The following KCNH8 variants were observed in gnomAD, a reference collection of about 807,000 sequenced individuals.
The protein encoded by KCNH8 is potassium voltage-gated channel subfamily H member 8.
Under a neutral mutation model 103.6 loss-of-function variants are expected in KCNH8, and 70 were observed. That is an observed-to-expected ratio of 0.68 (90% CI 0.56 to 0.82). KCNH8 has a LOEUF of 0.82. Ranked by LOEUF, KCNH8 falls within the 40% of genes least tolerant of loss-of-function variation. KCNH8 has a pLI of 0.00. For missense variants in KCNH8, 1,217 were observed against 1,329.9 expected (o/e 0.92, Z 1.32); for synonymous variants, 498 against 489.4 (o/e 1.02, Z -0.23).
intron 7 of KCNH8, among the ~76,000 whole-genome samples, chr3:19,402,530 T>G (rs1326540920): frequency 6.6e-6 from 1 of 151,904 alleles, no homozygotes; most frequent in Non-Finnish European, 1.5e-5. Flanking sequence ...GTGTTATTTT[T>G]GGGTCATAGT....
intron 2 of KCNH8, among the ~76,000 whole-genome samples, chr3:19,259,139 C>T (rs888927442): frequency 6.6e-6 from 1 of 151,034 alleles, no homozygotes; most frequent in African/African-American, 2.4e-5. Flanking sequence ...ATTCTCACGT[C>T]GCCATCAAGG....
chr3:19,447,837 G>A (rs1264377481), intron 8 of KCNH8, among the ~76,000 whole-genome samples: 5 of 151,928 alleles, frequency 3.3e-5, no homozygotes, highest in Non-Finnish European at 5.9e-5. Flanking sequence ...GTTGTTACAC[G>A]ATATATATTT....
chr3:19,456,385 G>A (rs954032922), intron 10 of KCNH8, among the ~76,000 whole-genome samples: 1 of 151,554 alleles, frequency 6.6e-6, no homozygotes, highest in East Asian at 1.9e-4. Flanking sequence ...ACAAATGCTG[G>A]GCACAATAAA....
chr3:19,496,457 GTTT>G (rs372678594), intron 11 of KCNH8, among the ~76,000 whole-genome samples: 2,154 of 152,172 alleles, frequency 0.014, 50 homozygotes, highest in African/African-American at 0.047. Context: ...ATAATCATGG[GTTT>G]TTTATTTCAG....
At position 19,395,149 on chromosome 3, in the gene KCNH8, T is replaced by C. The variant is rs373564560; in HGVS notation, c.1015T>C (p.Leu339=). The change falls in exon 7 of 16, where the codon TTG becomes CTG. Residue 339 remains leucine (L), a synonymous_variant. Coordinates refer to ENST00000328405, the MANE Select transcript of KCNH8 (RefSeq NM_144633.3). ...LLKTVRLLRL[L]RLLQKLDRYS... is the part of the protein sequence containing the mutation. ...AAAGACAGTGCGCCTCTTGCGTCTT[T>C]TGCGTCTGCTGCAGAAGTTAGACCG... 6.2e-7 allele frequency: 1 copy of C among 1,611,568 alleles called. No individual in the cohort carries two copies. The highest frequency in any genetic ancestry group is 8.5e-7 in the Non-Finnish European group (1 of 1,178,780).
intron 8 of KCNH8, among the ~76,000 whole-genome samples, chr3:19,441,659 A>ATCAAGTAAGCATTCTTCTTAGGC (rs1286358463): frequency 6.6e-6 from 1 of 152,178 alleles, no homozygotes; most frequent in Non-Finnish European, 1.5e-5. Context: ...GTCTACCTTG[A>ATCAAGTAAGCATTCTTCTTAGGC]TCAAGTAAGC....
intron 7 of KCNH8, among the ~76,000 whole-genome samples, chr3:19,421,302 T>C (rs1382649514): frequency 6.6e-6 from 1 of 152,108 alleles, no homozygotes; most frequent in African/African-American, 2.4e-5. Flanking sequence ...AAGTATAAGA[T>C]ATTTTGATCT....
intron 12 of KCNH8, 96 bp from the exon 13 acceptor site, chr3:19,512,874 G>A: frequency 9.3e-7 from 1 of 1,080,190 alleles, no homozygotes; most frequent in South Asian, 1.6e-5. Flanking sequence ...GTCTCTAAGA[G>A]ATTTGACTTT....
intron 5 of KCNH8, among the ~76,000 whole-genome samples, chr3:19,389,020 C>G (rs1263622986): frequency 6.6e-6 from 1 of 152,150 alleles, no homozygotes; most frequent in African/African-American, 2.4e-5. Flanking sequence ...TGGGCTCATA[C>G]GAAGAACCTG....
intron 1 of KCNH8, among the ~76,000 whole-genome samples, chr3:19,162,129 A>G (rs2063239717): frequency 6.6e-6 from 1 of 152,188 alleles, no homozygotes; most frequent in African/African-American, 2.4e-5. Flanking sequence ...GTTTGTAATT[A>G]AACAAAACAC....
intron 3 of KCNH8, among the ~76,000 whole-genome samples, chr3:19,322,428 C>T (rs2065362390): frequency 1.3e-5 from 2 of 152,126 alleles, no homozygotes; most frequent in African/African-American, 4.8e-5. Context: ...CTGGAAAAGA[C>T]TTTATCTTTC....
At chr3:19,232,960 A>G (rs2064013654) in intron 1 of KCNH8, among the ~76,000 whole-genome samples, 1 of 152,084 alleles carries the variant, frequency 6.6e-6, no homozygotes, top group African/African-American at 2.4e-5. Context: ...CTATGATTCA[A>G]CCTAAATAAG....
chr3:19,423,171 G>T (rs1034624498), intron 7 of KCNH8, among the ~76,000 whole-genome samples: 2 of 152,010 alleles, frequency 1.3e-5, no homozygotes, highest in African/African-American at 2.4e-5. Context: ...GGGTCAGACT[G>T]CATGACCCTA....
Position 19,463,360 on chromosome 3 carries a change from TAA to T in KCNH8, c.2040+6379_2040+6380del, listed in dbSNP as rs545368599. On this transcript the variant is annotated intron_variant, in intron 11 of 15. Transcript: ENST00000328405. The stretch of plus-strand genomic sequence containing the variant: ...TTCATACTAGTAGTATGCATAAAGT[TAA>T]TAGAGGACAAAATGGAAGAATATAT... 3.2e-3 allele frequency among the ~76,000 whole-genome samples: 489 copies of T among 152,154 alleles called. 5 individuals are homozygous for T. Among genetic ancestry groups the T allele is most frequent in the African/African-American group, 0.01 (436 of 41,536 alleles).
chr3:19,436,505 G>A (rs1353442213), intron 7 of KCNH8, among the ~76,000 whole-genome samples: 1 of 152,130 alleles, frequency 6.6e-6, no homozygotes, highest in African/African-American at 2.4e-5. Flanking sequence ...GCCAATCCTC[G>A]GATTTGTGGA....
chr3:19,296,926 G>A (rs1024095285), intron 3 of KCNH8, among the ~76,000 whole-genome samples: 2 of 151,676 alleles, frequency 1.3e-5, no homozygotes, highest in Non-Finnish European at 1.5e-5. Context: ...AAAGTAGTGA[G>A]TCTATTTTAA....
intron 5 of KCNH8, among the ~76,000 whole-genome samples, chr3:19,384,319 T>G (rs1488074362): frequency 6.6e-6 from 1 of 152,212 alleles, no homozygotes; most frequent in African/African-American, 2.4e-5. Flanking sequence ...TTGGATGCCT[T>G]GTTCATCTTT....
At chr3:19,380,430 C>T (rs1408267607) in intron 5 of KCNH8, among the ~76,000 whole-genome samples, 3 of 152,134 alleles carry the variant, frequency 2.0e-5, no homozygotes, top group African/African-American at 7.2e-5. Flanking sequence ...CTAACAGGCT[C>T]TTTAATTCCT....
At chr3:19,495,674 T>G (rs996194480) in intron 11 of KCNH8, among the ~76,000 whole-genome samples, 1 of 152,208 alleles carries the variant, frequency 6.6e-6, no homozygotes, top group African/African-American at 2.4e-5. Flanking sequence ...TAGGATTGCC[T>G]TTGCTATTCA....
Sources: allele counts gnomAD v4.1 joint callset (sites outside exome capture counted in the v4.1 genomes callset), GRCh38; gene constraint gnomAD v4.1.1; transcripts MANE v1.5; gene names NCBI Gene and HGNC (gene_info 2026-07-23, HGNC 2026-07-21).